The following PPHLN1 variants were observed in gnomAD, a reference collection of about 807,000 sequenced individuals.
PPHLN1 encodes the protein periphilin-1.
Under a neutral mutation model 51.3 loss-of-function variants are expected in PPHLN1, and 29 were observed. The observed-to-expected ratio is 0.57, with a 90% CI of 0.42 to 0.77. The LOEUF (loss-of-function observed/expected upper bound fraction) is 0.77, where lower values mean the gene tolerates loss of function less well. Among genes scored for constraint, PPHLN1 ranks in the 30% least tolerant of loss-of-function variants. The probability of loss-of-function intolerance (pLI) is 0.00; values close to 1 mark genes in which losing one functional copy is unlikely to be tolerated. For missense variants in PPHLN1, 436 were observed against 438.4 expected (o/e 0.99, Z 0.05); for synonymous variants, 147 against 147.8 (o/e 0.99, Z 0.04).
At chr12:42,348,251 C>T (rs1267953760) in intron 2 of PPHLN1, among the ~76,000 whole-genome samples, 2 of 149,084 alleles carry the variant, frequency 1.3e-5, no homozygotes, top group Non-Finnish European at 3.0e-5. Flanking sequence ...GCTGGCACTA[C>T]AGGCATGCAC....
At chr12:42,327,357 C>T (rs762407010) in intron 1 of PPHLN1, among the ~76,000 whole-genome samples, 1 of 152,192 alleles carries the variant, frequency 6.6e-6, no homozygotes, top group Non-Finnish European at 1.5e-5. Context: ...GATTTTCCTG[C>T]CAGCCATTTC....
chr12:42,351,653 G>A (rs1013269427), intron 2 of PPHLN1, among the ~76,000 whole-genome samples: 5 of 151,930 alleles, frequency 3.3e-5, no homozygotes, highest in African/African-American at 1.2e-4. Context: ...ATTGGTTTTC[G>A]CATTGCTGCA....
chr12:42,398,758 CTTAATATAATTTGCCAG>C, intron 8 of PPHLN1, 79 bp from the exon 9 acceptor site: 1 of 1,050,332 alleles, frequency 9.5e-7, no homozygotes, highest in Non-Finnish European at 1.3e-6. Flanking sequence ...AAATCTAGCA[CTTAATATAATTTGCCAG>C]TTAGTGCCTA....
chr12:42,430,779 C>T (rs2081969978), intron 9 of PPHLN1, among the ~76,000 whole-genome samples: 1 of 152,166 alleles, frequency 6.6e-6, no homozygotes, highest in Admixed American at 6.5e-5. Context: ...TGAGCGTGAG[C>T]CACCGTGCCT....
intron 4 of PPHLN1, among the ~76,000 whole-genome samples, chr12:42,359,816 T>G (rs184030449): frequency 2.0e-5 from 3 of 152,144 alleles, no homozygotes; most frequent in Admixed American, 6.5e-5. Flanking sequence ...ATTAAAAGAT[T>G]TGAAAAATTG....
chr12:42,429,605 T>G (rs866229758), intron 9 of PPHLN1, among the ~76,000 whole-genome samples: 3 of 152,228 alleles, frequency 2.0e-5, no homozygotes, highest in Non-Finnish European at 4.4e-5. Context: ...TGCCTTGTTG[T>G]TTGGTTATTT....
intron 4 of PPHLN1, among the ~76,000 whole-genome samples, chr12:42,368,355 A>G (rs1310129123): frequency 6.6e-6 from 1 of 152,180 alleles, no homozygotes. Context: ...AAATTGTCTC[A>G]GTTATATAAA....
chr12:42,363,020 A>G (rs2074866986), intron 4 of PPHLN1, among the ~76,000 whole-genome samples: 1 of 152,190 alleles, frequency 6.6e-6, no homozygotes, highest in Non-Finnish European at 1.5e-5. Context: ...TGCATGTGCC[A>G]CATTTATCTA....
intron 9 of PPHLN1, among the ~76,000 whole-genome samples, chr12:42,426,091 C>A (rs904103249): frequency 6.6e-6 from 1 of 150,716 alleles, no homozygotes; most frequent in Non-Finnish European, 1.5e-5. Context: ...ATCCCTGAAG[C>A]TATATGGAAA....
At chr12:42,361,314 A>G (rs1236238583) in intron 4 of PPHLN1, 1 of 152,212 alleles carries the variant, frequency 6.6e-6, no homozygotes, top group Non-Finnish European at 1.5e-5. Context: ...CTCCAGAACT[A>G]TGAGAAATAT....
downstream of PPHLN1, chr12:42,444,950 A>G: frequency 1.5e-6 from 1 of 653,970 alleles, no homozygotes; most frequent in South Asian, 1.7e-5. Context: ...GTACTCAGAG[A>G]GCTGAGGTTG....
At chr12:42,417,903 G>GAA (rs59776476) in intron 9 of PPHLN1, among the ~76,000 whole-genome samples, 112 of 97,450 alleles carry the variant, frequency 1.1e-3, no homozygotes, top group South Asian at 9.1e-3. Flanking sequence ...AGGGAAAAAA[G>GAA]AAAAAAAAAA....
chr12:42,447,288 T>G (rs1054315980), downstream of PPHLN1: 3 of 152,242 alleles, frequency 2.0e-5, no homozygotes, highest in Admixed American at 6.5e-5. Context: ...GATTGTAACA[T>G]GTCCATGATT....
intron 4 of PPHLN1, among the ~76,000 whole-genome samples, chr12:42,369,735 T>C (rs1363392927): frequency 2.6e-5 from 4 of 152,218 alleles, no homozygotes; most frequent in Admixed American, 2.6e-4. Flanking sequence ...ACTTGCCTCC[T>C]AATTCCTTGA....
At chr12:42,332,040 C>T (rs1468617256) in intron 1 of PPHLN1, among the ~76,000 whole-genome samples, 1 of 152,000 alleles carries the variant, frequency 6.6e-6, no homozygotes, top group Non-Finnish European at 1.5e-5. Flanking sequence ...AAGACCATGA[C>T]TTGATAAAAA....
chr12:42,393,296 T>TTTTTATAATTATA (rs1270277025), intron 7 of PPHLN1, among the ~76,000 whole-genome samples: 1 of 152,174 alleles, frequency 6.6e-6, no homozygotes, highest in African/African-American at 2.4e-5. Flanking sequence ...TATGAGTTAA[T>TTTTTATAATTATA]TGTCAGTGTC....
At chr12:42,414,343 A>T (rs2080175712) in intron 9 of PPHLN1, among the ~76,000 whole-genome samples, 1 of 151,980 alleles carries the variant, frequency 6.6e-6, no homozygotes, top group Admixed American at 6.6e-5. Context: ...CGATGTTGGT[A>T]TTTTAATAGG....
intron 3 of PPHLN1, among the ~76,000 whole-genome samples, chr12:42,354,203 T>C (rs965987623): frequency 6.6e-6 from 1 of 152,204 alleles, no homozygotes; most frequent in Non-Finnish European, 1.5e-5. Flanking sequence ...GCATATTGTA[T>C]TATTCTATGT....
At chr12:42,421,231 C>T (rs2080976496) in intron 9 of PPHLN1, among the ~76,000 whole-genome samples, 1 of 152,082 alleles carries the variant, frequency 6.6e-6, no homozygotes. Context: ...GTTCTGTCCT[C>T]AAGATAATGG....
Sources: gnomAD v4.1 joint callset for allele counts (sites outside exome capture counted in the v4.1 genomes callset) on GRCh38, gnomAD v4.1.1 for gene constraint, MANE v1.5 for transcripts, NCBI Gene and HGNC (gene_info 2026-07-23, HGNC 2026-07-21) for gene names.